Variants in NSMCE2 observed in about 807,000 individuals in gnomAD.
NSMCE2 encodes the protein NSE2 SUMO ligase component of SMC5/6 complex.
Under a neutral mutation model 23.8 loss-of-function variants are expected in NSMCE2, and 24 were observed. The ratio of observed to expected loss-of-function variants is 1.01; its 90% CI spans 0.73 to 1.42. The LOEUF (loss-of-function observed/expected upper bound fraction) is 1.42. Ranked by LOEUF, NSMCE2 falls within the 40% of genes most tolerant of loss-of-function variation. The probability of loss-of-function intolerance (pLI) is 0.00; values close to 1 mark genes in which losing one functional copy is unlikely to be tolerated. For missense variants in NSMCE2, 284 were observed against 296.5 expected, an observed-to-expected ratio of 0.96 and a Z score of 0.31; for synonymous variants, 92 against 94.1, an observed-to-expected ratio of 0.98 and a Z score of 0.13.
intron 5 of NSMCE2, among the ~76,000 whole-genome samples, chr8:125,255,198 C>T (rs139375011): frequency 1.9e-3 from 293 of 152,010 alleles, no homozygotes; most frequent in Middle Eastern, 6.8e-3. Flanking sequence ...GGAGAGCTGC[C>T]CCAGTTAATG....
intron 3 of NSMCE2, among the ~76,000 whole-genome samples, chr8:125,145,625 T>C (rs1208075769): frequency 1.3e-5 from 2 of 152,200 alleles, no homozygotes; most frequent in African/African-American, 4.8e-5. Flanking sequence ...ATTTGAATAT[T>C]CCTAGCCTCC....
At chr8:125,346,060 G>A (rs1186567754) in intron 5 of NSMCE2, among the ~76,000 whole-genome samples, 1 of 152,210 alleles carries the variant, frequency 6.6e-6, no homozygotes, top group Non-Finnish European at 1.5e-5. Flanking sequence ...AGGAGGCTGA[G>A]GCAGGAGAAT....
chr8:125,133,696 A>G (rs1321714376), intron 3 of NSMCE2, among the ~76,000 whole-genome samples: 1 of 152,030 alleles, frequency 6.6e-6, no homozygotes, highest in African/African-American at 2.4e-5. Context: ...GTGAGCCGAG[A>G]TCACGACTGG....
intron 3 of NSMCE2, among the ~76,000 whole-genome samples, chr8:125,132,149 G>A (rs1819805019): frequency 6.6e-6 from 1 of 152,202 alleles, no homozygotes; most frequent in South Asian, 2.1e-4. Flanking sequence ...CCAGGCTGGA[G>A]TACAGTGGCA....
At chr8:125,352,665 G>A (rs1813089129) in intron 5 of NSMCE2, among the ~76,000 whole-genome samples, 1 of 152,162 alleles carries the variant, frequency 6.6e-6, no homozygotes, top group African/African-American at 2.4e-5. Flanking sequence ...ACTCAGGATA[G>A]ATAGATAACC....
At chr8:125,316,630 C>G (rs1445825248) in intron 5 of NSMCE2, among the ~76,000 whole-genome samples, 1 of 56,088 alleles carries the variant, frequency 1.8e-5, no homozygotes, top group Non-Finnish European at 5.8e-5. Flanking sequence ...TCCTTCTTTC[C>G]TTTCTTTATT....
chr8:125,298,693 T>TG (rs1382567184), intron 5 of NSMCE2, among the ~76,000 whole-genome samples: 36 of 115,112 alleles, frequency 3.1e-4, no homozygotes, highest in African/African-American at 7.2e-4. Context: ...GTGGGTTTTT[T>TG]TTTGTTTTTT....
chr8:125,158,278 G>A (rs75992477), intron 4 of NSMCE2, among the ~76,000 whole-genome samples: 1 of 152,032 alleles, frequency 6.6e-6, no homozygotes, highest in African/African-American at 2.4e-5. Flanking sequence ...TTTCTCCATT[G>A]CATTACTCCA....
intron 3 of NSMCE2, among the ~76,000 whole-genome samples, chr8:125,117,852 G>T (rs1357405317): frequency 2.6e-5 from 4 of 152,280 alleles, no homozygotes; most frequent in African/African-American, 9.6e-5. Context: ...ATATATAAAT[G>T]CGTTAGTAAC....
intron 5 of NSMCE2, among the ~76,000 whole-genome samples, chr8:125,193,354 G>A (rs929354137): frequency 3.3e-5 from 5 of 152,022 alleles, no homozygotes; most frequent in African/African-American, 1.2e-4. Flanking sequence ...TAAAAAACTG[G>A]AACTAATAAT....
At chr8:125,268,058 C>A (rs1386765842) in intron 5 of NSMCE2, among the ~76,000 whole-genome samples, 33 of 149,310 alleles carry the variant, frequency 2.2e-4, no homozygotes, top group African/African-American at 7.2e-4. Context: ...GTGAAACCCT[C>A]ATCTCTATTT....
intron 5 of NSMCE2, among the ~76,000 whole-genome samples, chr8:125,225,772 T>C (rs1412682963): frequency 6.6e-6 from 1 of 152,238 alleles, no homozygotes; most frequent in Non-Finnish European, 1.5e-5. Flanking sequence ...TGCAAGGACA[T>C]TTTAGTTTTC....
At chr8:125,093,883 G>A (rs549078425) in intron 1 of NSMCE2, among the ~76,000 whole-genome samples, 23 of 152,234 alleles carry the variant, frequency 1.5e-4, no homozygotes, top group Admixed American at 1.4e-3. Flanking sequence ...TGCAGCCTTG[G>A]ACTCCTGGAC....
intron 4 of NSMCE2, among the ~76,000 whole-genome samples, chr8:125,161,091 G>T (rs1821595695): frequency 6.6e-6 from 1 of 152,140 alleles, no homozygotes. Context: ...TTGCAACTGT[G>T]CTGGTAAGGA....
chr8:125,282,729 T>C (rs1270906515), intron 5 of NSMCE2, among the ~76,000 whole-genome samples: 1 of 152,262 alleles, frequency 6.6e-6, no homozygotes, highest in Non-Finnish European at 1.5e-5. Context: ...TGGGCACCAG[T>C]AATAATGCTA....
chr8:125,244,362 TA>T (rs1420801847), intron 5 of NSMCE2, among the ~76,000 whole-genome samples: 1 of 152,168 alleles, frequency 6.6e-6, no homozygotes, highest in Non-Finnish European at 1.5e-5. Context: ...GGAAAAAACT[TA>T]ATCAATATGG....
intron 6 of NSMCE2, 48 bp from the exon 7 acceptor site, chr8:125,357,664 A>T (rs1813343017): frequency 2.9e-6 from 4 of 1,375,112 alleles, no homozygotes; most frequent in Non-Finnish European, 4.2e-6. Context: ...CAGCTACTGG[A>T]AGTTGATCAT....
At chr8:125,137,127 C>T (rs146957204) in intron 3 of NSMCE2, among the ~76,000 whole-genome samples, 2,032 of 151,940 alleles carry the variant, frequency 0.013, 10 homozygotes, top group Middle Eastern at 0.02. Flanking sequence ...AATTATTCTC[C>T]GACAGATAGG....
At chr8:125,202,184 G>A (rs1321046726) in intron 5 of NSMCE2, among the ~76,000 whole-genome samples, 1 of 152,216 alleles carries the variant, frequency 6.6e-6, no homozygotes, top group African/African-American at 2.4e-5. Flanking sequence ...GTGAGGCAAT[G>A]CCCCGCCCTA....
Sources: allele counts gnomAD v4.1 joint callset (sites outside exome capture counted in the v4.1 genomes callset), GRCh38; gene constraint gnomAD v4.1.1; transcripts MANE v1.5; gene names NCBI Gene and HGNC (gene_info 2026-07-23, HGNC 2026-07-21).